SEMA5A: variants seen among roughly 807,000 people sequenced by gnomAD.
SEMA5A encodes the protein semaphorin 5A, also known as semaphorin-5A.
In SEMA5A, 55 loss-of-function variants were observed where a neutral mutation model predicts 135.5. The observed-to-expected ratio is 0.41, with a 90% CI of 0.33 to 0.51. The LOEUF (loss-of-function observed/expected upper bound fraction) is 0.51. Among genes scored for constraint, SEMA5A ranks in the 20% least tolerant of loss-of-function variants. SEMA5A has a pLI of 0.37. For synonymous variants in SEMA5A, 580 were observed against 546.5 expected (o/e 1.06, Z -0.85); for missense variants, 1,290 against 1,419.9 (o/e 0.91, Z 1.47).
At chr5:9,291,557 T>C (rs1245260405) in intron 5 of SEMA5A, among the ~76,000 whole-genome samples, 1 of 148,078 alleles carries the variant, frequency 6.8e-6, no homozygotes, top group Non-Finnish European at 1.5e-5. Context: ...AAATGACAAA[T>C]GGAGAAGAAA....
chr5:9,322,812 T>C (rs1225898961), intron 4 of SEMA5A, among the ~76,000 whole-genome samples: 1 of 152,152 alleles, frequency 6.6e-6, no homozygotes, highest in Non-Finnish European at 1.5e-5. Flanking sequence ...GTCACCTTCC[T>C]AATTTCACCT....
chr5:9,299,475 G>T (rs1169567289), intron 5 of SEMA5A, among the ~76,000 whole-genome samples: 3 of 152,160 alleles, frequency 2.0e-5, no homozygotes, highest in Admixed American at 6.5e-5. Context: ...CCTATCTCCT[G>T]CAGGGGACTT....
chr5:9,441,759 A>G (rs1015864565), intron 1 of SEMA5A, among the ~76,000 whole-genome samples: 1 of 152,184 alleles, frequency 6.6e-6, no homozygotes, highest in African/African-American at 2.4e-5. Context: ...TAGCAGCAGC[A>G]TGTGCCACGA....
At chr5:9,286,981 C>G (rs144842168) in intron 5 of SEMA5A, among the ~76,000 whole-genome samples, 1 of 152,322 alleles carries the variant, frequency 6.6e-6, no homozygotes, top group Non-Finnish European at 1.5e-5. Flanking sequence ...CAATCATAAG[C>G]AAATGCTGTC....
At chr5:9,442,641 C>T (rs1463231233) in intron 1 of SEMA5A, among the ~76,000 whole-genome samples, 1 of 152,164 alleles carries the variant, frequency 6.6e-6, no homozygotes, top group Non-Finnish European at 1.5e-5. Flanking sequence ...CAGCCCTAAA[C>T]ATCAACATTT....
intron 1 of SEMA5A, among the ~76,000 whole-genome samples, chr5:9,482,155 C>T (rs890251458): frequency 2.6e-5 from 4 of 152,120 alleles, no homozygotes; most frequent in Non-Finnish European, 5.9e-5. Context: ...GTGGGATGCC[C>T]GTGAATATGC....
At chr5:9,265,492 C>T (rs547905666) in intron 5 of SEMA5A, 23 of 456,368 alleles carry the variant, frequency 5.0e-5, no homozygotes, top group African/African-American at 3.4e-4. Flanking sequence ...TCTTCTGCCG[C>T]GGGACTCCCA....
chr5:9,246,129 T>C (rs1210372747), intron 5 of SEMA5A, among the ~76,000 whole-genome samples: 1 of 152,176 alleles, frequency 6.6e-6, no homozygotes, highest in Non-Finnish European at 1.5e-5. Flanking sequence ...GAGCCTTACT[T>C]CTTGGTTGCA....
intron 11 of SEMA5A, among the ~76,000 whole-genome samples, chr5:9,168,191 T>C (rs1428007226): frequency 6.6e-6 from 1 of 152,086 alleles, no homozygotes; most frequent in Non-Finnish European, 1.5e-5. Flanking sequence ...GTTCCCAAGC[T>C]TTATGACTAG....
chr5:9,235,413 C>T (rs1362412030), intron 6 of SEMA5A, among the ~76,000 whole-genome samples: 1 of 152,178 alleles, frequency 6.6e-6, no homozygotes, highest in Admixed American at 6.5e-5. Context: ...TATGGAATAG[C>T]TGCCATGTCA....
At chr5:9,088,829 T>C (rs1488251319) in intron 16 of SEMA5A, among the ~76,000 whole-genome samples, 1 of 151,972 alleles carries the variant, frequency 6.6e-6, no homozygotes, top group Non-Finnish European at 1.5e-5. Flanking sequence ...AAAGTCAAAG[T>C]GCTTAGCTTC....
intron 13 of SEMA5A, among the ~76,000 whole-genome samples, chr5:9,129,790 C>T (rs1324942839): frequency 6.6e-6 from 1 of 152,146 alleles, no homozygotes; most frequent in Non-Finnish European, 1.5e-5. Context: ...CTGTGCTTTA[C>T]ATGTATTAAC....
At chr5:9,233,777 T>C (rs1356431648) in intron 6 of SEMA5A, among the ~76,000 whole-genome samples, 1 of 152,200 alleles carries the variant, frequency 6.6e-6, no homozygotes, top group Non-Finnish European at 1.5e-5. Context: ...AGCTGAGGAA[T>C]GCTCCCATCA....
chr5:9,501,639 C>T (rs62342573), intron 1 of SEMA5A, among the ~76,000 whole-genome samples: 1 of 152,072 alleles, frequency 6.6e-6, no homozygotes, highest in Non-Finnish European at 1.5e-5. Context: ...TGCTGGAATC[C>T]GGGCTCTGGG....
chr5:9,373,426 T>A (rs546503136), intron 3 of SEMA5A, among the ~76,000 whole-genome samples: 3 of 152,242 alleles, frequency 2.0e-5, no homozygotes, highest in African/African-American at 7.2e-5. Flanking sequence ...TGCAACCCCC[T>A]AGCCCAGTCC....
Position 9,337,744 on chromosome 5 carries a change from G to A in SEMA5A, c.193C>T (p.Pro65Ser), listed in dbSNP as rs931244537. ...CCTACAACAAGTTCTTTCTGTCCTG[G>A]GTCAAATGTTAACTGCGAGAAATCC... is the stretch of plus-strand genomic sequence containing the variant. ...AVDFSQLTFD[P>S]GQKELVVGAR... Residue 65 changes from proline (P) to serine (S), a missense_variant, in exon 4 of 23, where the codon CCA becomes TCA. Physicochemically the swap from Pro to Ser is moderately conservative, Grantham distance 74. Coordinates refer to ENST00000382496, the MANE Select transcript of SEMA5A (RefSeq NM_003966.3). 1 of 1,611,356 alleles carries A rather than the reference G, an allele frequency of 6.2e-7. No individual in the cohort carries two copies. The highest frequency in any genetic ancestry group is 1.3e-5 in the African/African-American group (1 of 74,880).
chr5:9,446,477 G>T (rs2126693150), intron 1 of SEMA5A, among the ~76,000 whole-genome samples: 1 of 152,216 alleles, frequency 6.6e-6, no homozygotes, highest in African/African-American at 2.4e-5. Flanking sequence ...CCATGTGCCA[G>T]ATTTTCAAAA....
At chr5:9,198,722 G>A (rs1160225429) in intron 9 of SEMA5A, among the ~76,000 whole-genome samples, 1 of 152,186 alleles carries the variant, frequency 6.6e-6, no homozygotes, top group Non-Finnish European at 1.5e-5. Context: ...TATCCTTAGA[G>A]AGAATGGGAG....
chr5:9,143,661 A>G (rs550038301), intron 12 of SEMA5A, among the ~76,000 whole-genome samples: 1 of 152,324 alleles, frequency 6.6e-6, no homozygotes, highest in East Asian at 1.9e-4. Flanking sequence ...ATGGGATTAG[A>G]TAGAGCACAT....
Sources: gnomAD v4.1 joint callset for allele counts (sites outside exome capture counted in the v4.1 genomes callset) on GRCh38, gnomAD v4.1.1 for gene constraint, MANE v1.5 for transcripts, NCBI Gene and HGNC (gene_info 2026-07-23, HGNC 2026-07-21) for gene names.